LIX1: variants seen among roughly 807,000 people sequenced by gnomAD.
LIX1 encodes the protein limb and CNS expressed 1, also known as protein limb expression 1 homolog.
LIX1 carries 24 observed loss-of-function variants against 33.4 expected under a neutral mutation model. The ratio of observed to expected loss-of-function variants is 0.72; its 90% confidence interval spans 0.52 to 1.01. LIX1 has a LOEUF of 1.01. Among genes scored for constraint, LIX1 ranks in the 50% least tolerant of loss-of-function variants. The pLI is 0.00. For synonymous variants in LIX1, 124 were observed against 124.0 expected, an observed-to-expected ratio of 1.00 and a Z score of 0.00; for missense variants, 311 against 339.2, an observed-to-expected ratio of 0.92 and a Z score of 0.65.
chr5:97,109,897 A>G, intron 2 of LIX1, among the ~76,000 whole-genome samples: 1 of 152,214 alleles, frequency 6.6e-6, no homozygotes, highest in Non-Finnish European at 1.5e-5. Flanking sequence ...AGCTCCACCC[A>G]AGTTGCTGCA....
At chr5:97,106,802 C>T (rs1747055697) in intron 3 of LIX1, among the ~76,000 whole-genome samples, 1 of 152,206 alleles carries the variant, frequency 6.6e-6, no homozygotes. Flanking sequence ...ATTTTCAATG[C>T]TCTCTGAAGA....
intron 2 of LIX1, among the ~76,000 whole-genome samples, chr5:97,116,306 A>G (rs1421422784): frequency 6.6e-6 from 1 of 152,168 alleles, no homozygotes; most frequent in Non-Finnish European, 1.5e-5. Context: ...TGGTGATGTG[A>G]AAAAGGGCAA....
rs552022120 is a variant in LIX1 at position 97,092,570 on chromosome 5, A to T, written c.*2178T>A. ...TTATTTATTTTGCTGAAGCTTTCAT[A>T]CCATTCCAGGAAGAATGGGCAGTTT... On this transcript the variant is annotated 3_prime_UTR_variant, in exon 6 of 6. Coordinates refer to ENST00000274382, the MANE Select transcript of LIX1 (RefSeq NM_153234.5). 6.6e-6 allele frequency: 1 copy of T among 152,488 alleles called. No individual in the cohort carries two copies. Among genetic ancestry groups the T allele is most frequent in the South Asian group, 2.1e-4 (1 of 4,824 alleles). The allele number at this position is 152,488 out of a possible 1,614,324, so 9.4% of individuals were successfully genotyped here.
At chr5:97,105,116 A>C in intron 4 of LIX1, 74 bp downstream of exon 4, 1 of 1,269,904 alleles carries the variant, frequency 7.9e-7, no homozygotes. Context: ...GGGAGATGTT[A>C]GTGATAAATG....
At chr5:97,102,400 G>A (rs1411697891) in intron 4 of LIX1, among the ~76,000 whole-genome samples, 1 of 152,078 alleles carries the variant, frequency 6.6e-6, no homozygotes, top group African/African-American at 2.4e-5. Context: ...GAATGTGCCA[G>A]GTCCCAGCAG....
intron 2 of LIX1, among the ~76,000 whole-genome samples, chr5:97,109,975 G>A (rs115251738): frequency 0.011 from 1,661 of 152,208 alleles, 35 homozygotes; most frequent in African/African-American, 0.038. Flanking sequence ...TTCCTTATTC[G>A]CTCATTGGTT....
chr5:97,140,273 A>G (rs570593061), intron 1 of LIX1, among the ~76,000 whole-genome samples: 4 of 152,210 alleles, frequency 2.6e-5, no homozygotes, highest in African/African-American at 9.6e-5. Flanking sequence ...CTTTTGTTCA[A>G]CTGGGCTGGG....
intron 2 of LIX1, among the ~76,000 whole-genome samples, chr5:97,109,624 G>A (rs192017565): frequency 6.6e-6 from 1 of 150,792 alleles, no homozygotes; most frequent in East Asian, 1.9e-4. Flanking sequence ...TTTAGGTTAT[G>A]TGGATAAGTT....
intron 1 of LIX1, among the ~76,000 whole-genome samples, chr5:97,137,526 T>TG (rs1748196875): frequency 6.6e-6 from 1 of 152,092 alleles, no homozygotes; most frequent in Non-Finnish European, 1.5e-5. Flanking sequence ...TTATATTTCT[T>TG]CCTTAGTATA....
At chr5:97,120,347 G>A (rs1351772888) in intron 2 of LIX1, among the ~76,000 whole-genome samples, 3 of 152,124 alleles carry the variant, frequency 2.0e-5, no homozygotes, top group Non-Finnish European at 2.9e-5. Context: ...CACTGTATGC[G>A]AAACACAGTG....
At chr5:97,109,240 G>T (rs1035082493) in intron 2 of LIX1, among the ~76,000 whole-genome samples, 1 of 151,828 alleles carries the variant, frequency 6.6e-6, no homozygotes, top group Non-Finnish European at 1.5e-5. Context: ...CCAGCCTCCG[G>T]GCCTGGGAGG....
chr5:97,095,772 A>C (rs1746344741), intron 5 of LIX1, among the ~76,000 whole-genome samples: 1 of 152,196 alleles, frequency 6.6e-6, no homozygotes, highest in Non-Finnish European at 1.5e-5. Flanking sequence ...GATCATGTGG[A>C]GTGAATGCAC....
At chr5:97,108,277 G>T (rs1747174945) in intron 2 of LIX1, among the ~76,000 whole-genome samples, 1 of 152,196 alleles carries the variant, frequency 6.6e-6, no homozygotes. Flanking sequence ...CTCAATCCAT[G>T]CGGTTTTGCT....
Position 97,124,585 on chromosome 5 carries a change from G to T in LIX1, c.127C>A (p.Gln43Lys), listed in dbSNP as rs765884104. The change falls in exon 2 of 6, where the codon CAG (glutamine) becomes AAG (lysine). Residue 43 changes from glutamine to lysine, a missense_variant. Coordinates refer to ENST00000274382, the MANE Select transcript of LIX1 (RefSeq NM_153234.5). ...MLQEFWESKQ[Q>K]QKAAFPSEGV... ...TCACTTGGGAATGCAGCCTTCTGCTGCTGCTTGCTTTCCCAAAATTCCTGT... is the reference window on the plus strand; with the variant it reads ...TCACTTGGGAATGCAGCCTTCTGCTTCTGCTTGCTTTCCCAAAATTCCTGT... The T allele has an allele frequency of 1.2e-6, 2 of 1,609,876 alleles. No individual in the cohort carries two copies. Among genetic ancestry groups the T allele is most frequent in the Non-Finnish European group, 1.7e-6 (2 of 1,177,692 alleles).
chr5:97,109,757 C>G (rs1043694880), intron 2 of LIX1, among the ~76,000 whole-genome samples: 1 of 151,838 alleles, frequency 6.6e-6, no homozygotes, highest in Non-Finnish European at 1.5e-5. Context: ...AATCTTCTCC[C>G]CCAAGTGCCC....
chr5:97,134,849 G>A (rs769959008), intron 1 of LIX1, among the ~76,000 whole-genome samples: 4 of 152,110 alleles, frequency 2.6e-5, no homozygotes, highest in East Asian at 1.9e-4. Context: ...TAGGAATCTC[G>A]GGGCCCCTTT....
At chr5:97,112,222 A>G (rs1747435460) in intron 2 of LIX1, among the ~76,000 whole-genome samples, 4 of 152,220 alleles carry the variant, frequency 2.6e-5, no homozygotes, top group Non-Finnish European at 5.9e-5. Context: ...GGGGGAAGAA[A>G]TTTAGCCAAA....
At chr5:97,141,543 C>T (rs1288874954) in intron 1 of LIX1, among the ~76,000 whole-genome samples, 1 of 152,144 alleles carries the variant, frequency 6.6e-6, no homozygotes, top group East Asian at 1.9e-4. Flanking sequence ...GCTAAGAGGA[C>T]ATCTGGAATG....
intron 1 of LIX1, among the ~76,000 whole-genome samples, chr5:97,141,272 C>G (rs1039963806): frequency 6.6e-6 from 1 of 152,116 alleles, no homozygotes; most frequent in African/African-American, 2.4e-5. Flanking sequence ...ACATTCTTTC[C>G]TCCCCTTTTC....
Sources: allele counts gnomAD v4.1 joint callset (sites outside exome capture counted in the v4.1 genomes callset), GRCh38; gene constraint gnomAD v4.1.1; transcripts MANE v1.5; gene names NCBI Gene and HGNC (gene_info 2026-07-23, HGNC 2026-07-21).